CNKSR2: variants seen among roughly 807,000 people sequenced by gnomAD.
CNKSR2 encodes connector enhancer of kinase suppressor of Ras 2.
Under a neutral mutation model 84.4 loss-of-function variants are expected in CNKSR2, and 14 were observed. The ratio of observed to expected loss-of-function variants is 0.17; its 90% confidence interval spans 0.11 to 0.26. The LOEUF (loss-of-function observed/expected upper bound fraction) is 0.26. Among genes scored for constraint, CNKSR2 ranks in the 10% least tolerant of loss-of-function variants. The pLI is 1.00. For synonymous variants in CNKSR2, 275 were observed against 277.9 expected (o/e 0.99, Z 0.10); for missense variants, 485 against 771.2 (o/e 0.63, Z 4.40).
At chrX:21,516,446 G>A (rs1269827789) in intron 8 of CNKSR2, 39 bp from the exon 9 acceptor site, 4 of 1,179,017 alleles carry the variant, frequency 3.4e-6, no homozygotes, top group Non-Finnish European at 4.6e-6. Context: ...TTTGAATACT[G>A]TACCTCAATT....
chrX:21,435,373 G>A (rs1016442320), intron 3 of CNKSR2, among the ~76,000 whole-genome samples: 9 of 111,000 alleles, frequency 8.1e-5, no homozygotes, highest in South Asian at 7.6e-4. Flanking sequence ...TGTTTAGGGC[G>A]TAATAGTGTG....
At chrX:21,491,306 T>G (rs1038565705) in intron 6 of CNKSR2, 2 of 111,881 alleles carry the variant, frequency 1.8e-5, no homozygotes, top group African/African-American at 6.5e-5. Flanking sequence ...TACACAACTA[T>G]TACATGTTAG....
At chrX:21,458,740 T>G (rs768760149) in intron 4 of CNKSR2, among the ~76,000 whole-genome samples, 8 of 110,748 alleles carry the variant, frequency 7.2e-5, no homozygotes, top group Non-Finnish European at 1.5e-4. Flanking sequence ...TTATTTTTTC[T>G]TTTTCTCTCC....
chrX:21,445,264 CAATT>C (rs908370509), intron 4 of CNKSR2, among the ~76,000 whole-genome samples: 1 of 110,914 alleles, frequency 9.0e-6, no homozygotes, highest in African/African-American at 3.3e-5. Context: ...TTAGCATACT[CAATT>C]AAGGCAATAT....
At chrX:21,403,955 G>A (rs1024513295) in intron 1 of CNKSR2, among the ~76,000 whole-genome samples, 1 of 112,062 alleles carries the variant, frequency 8.9e-6, no homozygotes, top group East Asian at 2.8e-4. Flanking sequence ...CCAAAAAATA[G>A]CATTGTATAG....
intron 1 of CNKSR2, among the ~76,000 whole-genome samples, chrX:21,402,472 T>C (rs1057151929): frequency 1.8e-5 from 2 of 111,315 alleles, no homozygotes; most frequent in Non-Finnish European, 3.8e-5. Flanking sequence ...TAGCAACTAA[T>C]ATGAAATTTT....
intron 18 of CNKSR2, among the ~76,000 whole-genome samples, chrX:21,602,349 C>T (rs933036363): frequency 9.0e-6 from 1 of 110,987 alleles, no homozygotes; most frequent in Non-Finnish European, 1.9e-5. Context: ...TTTGTAGAGA[C>T]GGAATTTTGC....
At chrX:21,589,119 G>A (rs1227590421) in intron 13 of CNKSR2, among the ~76,000 whole-genome samples, 3 of 112,039 alleles carry the variant, frequency 2.7e-5, no homozygotes, top group African/African-American at 9.7e-5. Context: ...TGATATGTGT[G>A]TGTGTATGTG....
chrX:21,401,954 C>T (rs1016151720), intron 1 of CNKSR2, among the ~76,000 whole-genome samples: 3 of 111,414 alleles, frequency 2.7e-5, no homozygotes, highest in Non-Finnish European at 3.8e-5. Context: ...ATTAAAAGGA[C>T]TTACTAGTAA....
chrX:21,555,978 A>G (rs1456647403), intron 11 of CNKSR2, among the ~76,000 whole-genome samples: 1 of 110,994 alleles, frequency 9.0e-6, no homozygotes, highest in South Asian at 3.8e-4. Flanking sequence ...AGACAGAACT[A>G]GTTCTGACTT....
At chrX:21,404,917 C>G (rs2090243375) in intron 1 of CNKSR2, among the ~76,000 whole-genome samples, 1 of 109,816 alleles carries the variant, frequency 9.1e-6, no homozygotes, top group Admixed American at 9.8e-5. Flanking sequence ...ATTTGAAATG[C>G]TAACTTTATA....
chrX:21,394,032 A>G (rs1185994422), intron 1 of CNKSR2, among the ~76,000 whole-genome samples: 3 of 112,325 alleles, frequency 2.7e-5, no homozygotes, highest in Non-Finnish European at 5.6e-5. Flanking sequence ...GTTGTGGTCC[A>G]TTCCACATCC....
intron 1 of CNKSR2, among the ~76,000 whole-genome samples, chrX:21,409,417 C>T (rs1393947946): frequency 9.4e-6 from 1 of 105,829 alleles, no homozygotes; most frequent in Non-Finnish European, 1.9e-5. Context: ...GATTCCTATC[C>T]ACTTGTAAAA....
intron 3 of CNKSR2, among the ~76,000 whole-genome samples, chrX:21,433,373 A>G (rs2090661023): frequency 1.8e-5 from 2 of 111,727 alleles, no homozygotes; most frequent in South Asian, 7.4e-4. Flanking sequence ...ATAAAATAGT[A>G]TAAAAGTCTT....
chrX:21,426,555 G>A lies in CNKSR2; in HGVS notation c.123G>A (p.Gly41=). The A allele has an allele frequency of 8.3e-7, 1 of 1,207,108 alleles. No homozygotes were observed. Among genetic ancestry groups the A allele is most frequent in the African/African-American group, 1.8e-5 (1 of 56,917 alleles). The change falls in exon 2 of 22, where the codon GGG becomes GGA. Residue 41 remains glycine, a synonymous_variant. Coordinates refer to ENST00000379510, the MANE Select transcript of CNKSR2 (RefSeq NM_014927.5). ...IKNFEREKIS[G]DQLLRITHQE... ...ACTTTGAGAGGGAGAAGATCAGTGGGGACCAGCTGCTGCGCATTACACATC... is the reference window on the plus strand; with the variant it reads ...ACTTTGAGAGGGAGAAGATCAGTGGAGACCAGCTGCTGCGCATTACACATC...
intron 4 of CNKSR2, among the ~76,000 whole-genome samples, chrX:21,463,703 A>G (rs1444681754): frequency 1.8e-5 from 2 of 111,221 alleles, no homozygotes; most frequent in South Asian, 3.9e-4. Context: ...CCTTAAGGCA[A>G]CAGGTTCCCT....
chrX:21,594,003 C>G (rs1473711890), intron 15 of CNKSR2: 3 of 111,560 alleles, frequency 2.7e-5, no homozygotes, highest in Non-Finnish European at 5.6e-5. Context: ...AATCTTTCTA[C>G]CATAAAGACA....
intron 8 of CNKSR2, among the ~76,000 whole-genome samples, chrX:21,509,999 G>T (rs1004344177): frequency 9.0e-5 from 10 of 111,388 alleles, no homozygotes; most frequent in African/African-American, 3.3e-4. Flanking sequence ...AAAAAATTTG[G>T]CAAAGACTGA....
intron 11 of CNKSR2, among the ~76,000 whole-genome samples, chrX:21,535,641 A>AT (rs2091921224): frequency 9.1e-6 from 1 of 109,900 alleles, no homozygotes; most frequent in South Asian, 3.8e-4. Context: ...TATAAAGGGG[A>AT]TTGCATTCTT....
Sources: allele counts gnomAD v4.1 joint callset (sites outside exome capture counted in the v4.1 genomes callset), GRCh38; gene constraint gnomAD v4.1.1; transcripts MANE v1.5; gene names NCBI Gene and HGNC (gene_info 2026-07-23, HGNC 2026-07-21).